Variants in PTPN1 observed in about 807,000 individuals in gnomAD.
The protein encoded by PTPN1 is protein tyrosine phosphatase non-receptor type 1.
A neutral mutation model predicts 59.9 loss-of-function variants in PTPN1; 12 were observed. The ratio of observed to expected loss-of-function variants is 0.20; its 90% CI spans 0.13 to 0.32. The LOEUF (loss-of-function observed/expected upper bound fraction) is 0.32. PTPN1 is among the 10% of genes least tolerant of loss of function. PTPN1 has a pLI of 1.00. For synonymous variants in PTPN1, 178 were observed against 203.6 expected, an observed-to-expected ratio of 0.87 and a Z score of 1.07; for missense variants, 356 against 549.2, an observed-to-expected ratio of 0.65 and a Z score of 3.52.
intron 2 of PTPN1, among the ~76,000 whole-genome samples, chr20:50,564,759 A>G (rs2122782239): frequency 6.6e-6 from 1 of 152,290 alleles, no homozygotes; most frequent in South Asian, 2.1e-4. Flanking sequence ...CTGTTGCTTC[A>G]TAGTGTGAAG....
intron 1 of PTPN1, among the ~76,000 whole-genome samples, chr20:50,547,052 G>A (rs2082678913): frequency 1.3e-5 from 2 of 152,306 alleles, no homozygotes; most frequent in Admixed American, 6.5e-5. Context: ...AAAAAAAATA[G>A]TGGTTCCAAT....
In PTPN1 at chr20:50,510,393, A is replaced by G. The variant is rs750979084; in HGVS notation, c.-135A>G. The G allele has an allele frequency of 5.5e-6, 5 of 913,398 alleles. No homozygotes were observed. Among genetic ancestry groups the G allele is most frequent in the African/African-American group, 1.7e-5 (1 of 57,520 alleles). The allele number at this position is 913,398 out of a possible 1,614,324, so 56.6% of individuals were successfully genotyped here. A position where few individuals can be genotyped will look rare whatever the true frequency, so the allele number is the denominator to read the frequency against. Reference sequence around the variant, plus strand: ...CGGCTGCCGGTTGACATGAAGAAGCAGCAGCGGCTAGGGCGGCGGTAGCTG... The same window carrying G: ...CGGCTGCCGGTTGACATGAAGAAGCGGCAGCGGCTAGGGCGGCGGTAGCTG... On this transcript the variant is annotated 5_prime_UTR_variant, in exon 1 of 10. Coordinates refer to ENST00000371621, the MANE Select transcript of PTPN1 (RefSeq NM_002827.4).
chr20:50,537,632 G>C (rs924769756), intron 1 of PTPN1, among the ~76,000 whole-genome samples: 1 of 152,064 alleles, frequency 6.6e-6, no homozygotes, highest in African/African-American at 2.4e-5. Context: ...TCATATCTCC[G>C]TCATACCCTT....
chr20:50,581,874 T>G (rs1047767531), intron 9 of PTPN1, among the ~76,000 whole-genome samples: 16 of 152,178 alleles, frequency 1.1e-4, no homozygotes, highest in Non-Finnish European at 2.1e-4. Flanking sequence ...TAGGCACTTA[T>G]GAAACTTTCT....
At chr20:50,560,751 A>C (rs1350800869) in intron 1 of PTPN1, among the ~76,000 whole-genome samples, 1 of 152,042 alleles carries the variant, frequency 6.6e-6, no homozygotes, top group Admixed American at 6.5e-5. Flanking sequence ...AACAATATAA[A>C]ATTTTTTAAG....
chr20:50,557,072 T>C (rs993724767), intron 1 of PTPN1, among the ~76,000 whole-genome samples: 5 of 152,068 alleles, frequency 3.3e-5, no homozygotes. Context: ...TTTTAAAAAA[T>C]AAAATAAAAT....
chr20:50,571,546 T>G (rs2082808588), intron 4 of PTPN1: 1 of 152,234 alleles, frequency 6.6e-6, no homozygotes, highest in Non-Finnish European at 1.5e-5. Context: ...AACCAGCTTT[T>G]GGGGAGTTTT....
chr20:50,579,651 C>A, intron 7 of PTPN1, 52 bp from the exon 8 acceptor site: 1 of 1,527,718 alleles, frequency 6.5e-7, no homozygotes, highest in Non-Finnish European at 9.0e-7. Context: ...GATTTCCTGA[C>A]AAACCAGCCG....
At chr20:50,515,059 G>T (rs909370192) in intron 1 of PTPN1, among the ~76,000 whole-genome samples, 2 of 152,132 alleles carry the variant, frequency 1.3e-5, no homozygotes, top group Non-Finnish European at 2.9e-5. Context: ...CGTTAATATG[G>T]TCCCATCATC....
chr20:50,519,684 C>T (rs528239526), intron 1 of PTPN1, among the ~76,000 whole-genome samples: 17 of 152,276 alleles, frequency 1.1e-4, no homozygotes, highest in South Asian at 4.1e-4. Context: ...ACTGTGCTCC[C>T]GTAGTTTCCC....
intron 1 of PTPN1, among the ~76,000 whole-genome samples, chr20:50,527,121 G>C (rs138171508): frequency 2.4e-4 from 37 of 152,216 alleles, no homozygotes; most frequent in African/African-American, 7.7e-4. Context: ...GGTGACTCTC[G>C]AGGAATGGAT....
At chr20:50,538,907 C>T (rs1181119148) in intron 1 of PTPN1, among the ~76,000 whole-genome samples, 3 of 151,998 alleles carry the variant, frequency 2.0e-5, no homozygotes, top group Admixed American at 1.3e-4. Context: ...TTCACAAACT[C>T]GTCCTGTTCT....
rs79636842 is a variant in PTPN1 at position 50,514,513 on chromosome 20, C to G, written c.63+3923C>G. On this transcript the variant is annotated intron_variant, in intron 1 of 9. Transcript: ENST00000371621. Reference sequence around the variant, plus strand: ...AGAATCCTTTTGGCAATTTCTGTTCCTAGCACTGCTTTTTCTTTCTTTCTT... The same window carrying G: ...AGAATCCTTTTGGCAATTTCTGTTCGTAGCACTGCTTTTTCTTTCTTTCTT... 7.3e-3 allele frequency among the ~76,000 whole-genome samples: 1,103 copies of G among 152,100 alleles called. 12 individuals carry two copies. Among genetic ancestry groups the G allele is most frequent in the African/African-American group, 0.025 (1,044 of 41,438 alleles).
Position 50,584,078 on chromosome 20 carries a change from G to T in PTPN1, c.*1363G>T, listed in dbSNP as rs1053827849. ...CCCTGTGGGGCCTGATGGTGCTCACGACTCTTCCTGCAAAGGGAACTGAAG... is the reference window on the plus strand; with the variant it reads ...CCCTGTGGGGCCTGATGGTGCTCACTACTCTTCCTGCAAAGGGAACTGAAG... On this transcript the variant is annotated 3_prime_UTR_variant, in exon 10 of 10. Transcript: ENST00000371621. The T allele has an allele frequency of 1.3e-5, 2 of 152,656 alleles. No individual in the cohort carries two copies. Among genetic ancestry groups the T allele is most frequent in the Non-Finnish European group, 2.9e-5 (2 of 68,044 alleles). The allele number at this position is 152,656 out of a possible 1,614,324, so 9.5% of individuals were successfully genotyped here. A position where few individuals can be genotyped will look rare whatever the true frequency, so the allele number is the denominator to read the frequency against.
intron 1 of PTPN1, among the ~76,000 whole-genome samples, chr20:50,554,268 C>T (rs1443071172): frequency 3.3e-5 from 5 of 152,156 alleles, no homozygotes; most frequent in African/African-American, 1.2e-4. Context: ...ACACCTGTAA[C>T]TCTAGCTAGC....
At chr20:50,512,280 G>A (rs368081133) in intron 1 of PTPN1, among the ~76,000 whole-genome samples, 1 of 152,192 alleles carries the variant, frequency 6.6e-6, no homozygotes, top group African/African-American at 2.4e-5. Flanking sequence ...TGTTGGAGTT[G>A]ATTATGATAC....
chr20:50,558,941 AT>A lies in PTPN1; in HGVS notation c.64-2421del, dbSNP rs2082738033. ...ATCTTTCTCTTTCTTGGTTTATTTC[AT>A]CACTCAGGTGGAAAAGATGCTCCAG... On this transcript the variant is annotated intron_variant, in intron 1 of 9. Transcript: ENST00000371621. 2.0e-5 allele frequency among the ~76,000 whole-genome samples: 3 copies of A among 151,580 alleles called. No individual in the cohort carries two copies. The South Asian group carries it at 6.3e-4, about 32-fold the overall frequency.
At chr20:50,553,452 T>G (rs537110512) in intron 1 of PTPN1, among the ~76,000 whole-genome samples, 10 of 152,304 alleles carry the variant, frequency 6.6e-5, no homozygotes, top group African/African-American at 2.4e-4. Flanking sequence ...CTGGATACAG[T>G]GTACACTTTG....
At chr20:50,579,596 G>A in intron 7 of PTPN1, 107 bp from the exon 8 acceptor site, 1 of 1,037,888 alleles carries the variant, frequency 9.6e-7, no homozygotes, top group South Asian at 1.5e-5. Flanking sequence ...AGCCCTGAGA[G>A]GCCGAGAGCC....
Sources: gnomAD v4.1 joint callset for allele counts (sites outside exome capture counted in the v4.1 genomes callset) on GRCh38, gnomAD v4.1.1 for gene constraint, MANE v1.5 for transcripts, NCBI Gene and HGNC (gene_info 2026-07-23, HGNC 2026-07-21) for gene names.